The following LMBR1 variants were observed in gnomAD, a reference collection of about 807,000 sequenced individuals.
LMBR1 encodes the protein limb region 1 protein homolog.
Under a neutral mutation model 73.9 loss-of-function variants are expected in LMBR1, and 52 were observed. That is an observed-to-expected ratio of 0.70 (90% CI 0.56 to 0.89). The LOEUF is 0.89. LMBR1 is among the 40% of genes least tolerant of loss of function. LMBR1 has a pLI of 0.00. For synonymous variants in LMBR1, 215 were observed against 209.4 expected (o/e 1.03, Z -0.23); for missense variants, 539 against 579.8 (o/e 0.93, Z 0.72).
chr7:156,770,056 C>G (rs1824894182), intron 5 of LMBR1, among the ~76,000 whole-genome samples: 1 of 152,116 alleles, frequency 6.6e-6, no homozygotes, highest in Non-Finnish European at 1.5e-5. Context: ...CAATGATACA[C>G]AGAATCTGAA....
Position 156,684,234 on chromosome 7 carries a change from A to G in LMBR1, c.1388-71T>C, listed in dbSNP as rs1585173175. On this transcript the variant is annotated intron_variant, in intron 16 of 16. Coordinates refer to ENST00000353442, the MANE Select transcript of LMBR1 (RefSeq NM_022458.4). ...TGGCTGGGAAAGGGTTAGGGTAGGG[A>G]GAAGAGGAGATTTACAAAGCTAAGT... 8 of 1,152,506 alleles carry G rather than the reference A, an allele frequency of 6.9e-6. 1 individual carries two copies. The Admixed American group carries it at 1.4e-4, about 20-fold the overall frequency. 71.4% of individuals were successfully genotyped at this position (1,152,506 alleles called of 1,614,324 possible).
intron 4 of LMBR1, among the ~76,000 whole-genome samples, chr7:156,807,974 C>A (rs1832434343): frequency 6.6e-6 from 1 of 152,066 alleles, no homozygotes; most frequent in African/African-American, 2.4e-5. Context: ...ATTGTCCTTA[C>A]AGAGTGTATC....
intron 10 of LMBR1, among the ~76,000 whole-genome samples, chr7:156,731,661 T>C (rs1443554645): frequency 6.6e-6 from 1 of 152,154 alleles, no homozygotes; most frequent in African/African-American, 2.4e-5. Flanking sequence ...AGCAAACCTG[T>C]GTTTTTCAAA....
Position 156,681,266 on chromosome 7 carries a change from GC to G in LMBR1, c.*2811del. 1 of 422,364 alleles carries G rather than the reference GC, an allele frequency of 2.4e-6. No individual in the cohort carries two copies. The highest frequency in any genetic ancestry group is 4.6e-6 in the Non-Finnish European group (1 of 217,748). 26.2% of individuals were successfully genotyped at this position (422,364 alleles called of 1,614,324 possible). A position where few individuals can be genotyped will look rare whatever the true frequency, so the allele number is the denominator to read the frequency against. On this transcript the variant is annotated 3_prime_UTR_variant, in exon 17 of 17. Transcript: ENST00000353442. ...TGGGGAGGCCGCACTGCCGCTGAGA[GC>G]AGGTACACGTGCGCCTTTAACACAT... is the stretch of plus-strand genomic sequence containing the variant.
rs1351084685 is a variant in LMBR1, at chr7:156,719,160, T to A, written c.1225+4952A>T. Among the ~76,000 whole-genome samples, 7 of 114,656 alleles carry A rather than the reference T, an allele frequency of 6.1e-5. No homozygotes were observed. The South Asian group carries it at 1.9e-3, about 31-fold the overall frequency. 75.2% of individuals were successfully genotyped at this position (114,656 alleles called of 152,430 possible). ...CCCCACCCCACAACAGTCCCCAGAG[T>A]GTGATGTTCCCCTTCCTCTGTCCAT... On this transcript the variant is annotated intron_variant, in intron 15 of 16. Coordinates refer to ENST00000353442, the MANE Select transcript of LMBR1 (RefSeq NM_022458.4).
At chr7:156,726,270 A>G (rs1389807278) in intron 12 of LMBR1, among the ~76,000 whole-genome samples, 4 of 152,226 alleles carry the variant, frequency 2.6e-5, no homozygotes, top group Non-Finnish European at 5.9e-5. Flanking sequence ...GTCAAAATTA[A>G]GCTAAGAGTA....
chr7:156,693,449 GAAAT>G (rs1249176702), intron 15 of LMBR1, among the ~76,000 whole-genome samples: 1 of 151,860 alleles, frequency 6.6e-6, no homozygotes, highest in Non-Finnish European at 1.5e-5. Context: ...ACTAAAATAA[GAAAT>G]AAAAAGAGAT....
chr7:156,799,970 G>C (rs923970123), intron 4 of LMBR1, among the ~76,000 whole-genome samples: 1 of 152,204 alleles, frequency 6.6e-6, no homozygotes, highest in Non-Finnish European at 1.5e-5. Context: ...TGAAGGCTGA[G>C]GGAGGTGAGG....
intron 15 of LMBR1, among the ~76,000 whole-genome samples, chr7:156,713,503 T>C (rs1411855352): frequency 1.3e-5 from 2 of 151,976 alleles, no homozygotes; most frequent in African/African-American, 4.8e-5. Context: ...GAGGTACGTG[T>C]GCTATCTCTG....
chr7:156,788,308 G>A (rs1828526856), intron 5 of LMBR1, among the ~76,000 whole-genome samples: 1 of 152,084 alleles, frequency 6.6e-6, no homozygotes, highest in South Asian at 2.1e-4. Flanking sequence ...CCAAATACAG[G>A]ATCTAGTGAA....
intron 4 of LMBR1, among the ~76,000 whole-genome samples, chr7:156,818,699 C>T (rs543302816): frequency 6.6e-6 from 1 of 152,254 alleles, no homozygotes; most frequent in South Asian, 2.1e-4. Context: ...TTTTATCACC[C>T]CCAAAAGGAA....
intron 4 of LMBR1, among the ~76,000 whole-genome samples, chr7:156,817,977 C>T (rs955816641): frequency 6.6e-6 from 1 of 152,098 alleles, no homozygotes; most frequent in African/African-American, 2.4e-5. Flanking sequence ...TAGGATTTTT[C>T]TATTTGTAAT....
intron 10 of LMBR1, 74 bp from the exon 11 acceptor site, chr7:156,728,794 G>A (rs931270352): frequency 3.1e-5 from 31 of 1,013,416 alleles, no homozygotes; most frequent in South Asian, 2.7e-4. Flanking sequence ...GCTATAATCT[G>A]TTTTATACAT....
chr7:156,880,295 T>A (rs543533744), intron 1 of LMBR1, among the ~76,000 whole-genome samples: 19 of 152,120 alleles, frequency 1.2e-4, no homozygotes, highest in African/African-American at 4.3e-4. Context: ...GGAACTAAGC[T>A]ACGATGATGC....
At chr7:156,810,419 G>A (rs1214668556) in intron 4 of LMBR1, among the ~76,000 whole-genome samples, 1 of 152,070 alleles carries the variant, frequency 6.6e-6, no homozygotes, top group African/African-American at 2.4e-5. Context: ...TTGAGATAGT[G>A]TCTCGCTCTG....
chr7:156,728,742 TAAAAC>T, intron 10 of LMBR1, 22 bp from the exon 11 acceptor site: 1 of 1,517,276 alleles, frequency 6.6e-7, no homozygotes. Flanking sequence ...AAAAACAAAA[TAAAAC>T]AAAGTTTTCT....
At chr7:156,874,501 C>T (rs1331851787) in intron 1 of LMBR1, among the ~76,000 whole-genome samples, 3 of 152,228 alleles carry the variant, frequency 2.0e-5, no homozygotes, top group Admixed American at 6.5e-5. Context: ...AAGTGGGAGC[C>T]CAGGCAGGGG....
chr7:156,757,057 C>A (rs1485409399), intron 8 of LMBR1, among the ~76,000 whole-genome samples: 1 of 152,170 alleles, frequency 6.6e-6, no homozygotes, highest in Non-Finnish European at 1.5e-5. Flanking sequence ...CTCAGGTGAT[C>A]CGCCTGCCTC....
rs969025623 is a variant in LMBR1 at position 156,678,038 on chromosome 7, G to T, written c.*6040C>A. On this transcript the variant is annotated 3_prime_UTR_variant, in exon 17 of 17. Transcript: ENST00000353442. ...AGAAGGAGAGTCCCGGAGATACATGGATCATTCAGTGATGGGAAGAGCCCA... is the reference window on the plus strand; with the variant it reads ...AGAAGGAGAGTCCCGGAGATACATGTATCATTCAGTGATGGGAAGAGCCCA... The T allele has an allele frequency of 6.6e-6, 1 of 152,242 alleles. No individual in the cohort carries two copies. The highest frequency in any genetic ancestry group is 1.5e-5 in the Non-Finnish European group (1 of 68,084). 9.4% of individuals were successfully genotyped at this position (152,242 alleles called of 1,614,324 possible). A position where few individuals can be genotyped will look rare whatever the true frequency, so the allele number is the denominator to read the frequency against.
Sources: gnomAD v4.1 joint callset for allele counts (sites outside exome capture counted in the v4.1 genomes callset) on GRCh38, gnomAD v4.1.1 for gene constraint, MANE v1.5 for transcripts, NCBI Gene and HGNC (gene_info 2026-07-23, HGNC 2026-07-21) for gene names.